KDM4C: variants seen among roughly 807,000 people sequenced by gnomAD.
The protein encoded by KDM4C is lysine-specific demethylase 4C.
In KDM4C, 81 loss-of-function variants were observed where a neutral mutation model predicts 129.3. The observed-to-expected ratio is 0.63, with a 90% CI of 0.52 to 0.75. The LOEUF is 0.75. Among genes scored for constraint, KDM4C ranks in the 30% least tolerant of loss-of-function variants. The probability of loss-of-function intolerance (pLI) is 0.00; values close to 1 mark genes in which losing one functional copy is unlikely to be tolerated. For synonymous variants in KDM4C, 573 were observed against 456.1 expected, an observed-to-expected ratio of 1.26 and a Z score of -3.26; for missense variants, 1,457 against 1,304.0, an observed-to-expected ratio of 1.12 and a Z score of -1.81.
intron 19 of KDM4C, among the ~76,000 whole-genome samples, chr9:7,135,177 A>G (rs1370811416): frequency 6.6e-6 from 1 of 152,184 alleles, no homozygotes; most frequent in East Asian, 1.9e-4. Context: ...CCTCTGGAGA[A>G]AGTATGTCGT....
intron 8 of KDM4C, among the ~76,000 whole-genome samples, chr9:6,949,366 T>C (rs1280986078): frequency 6.7e-6 from 1 of 149,018 alleles, no homozygotes; most frequent in African/African-American, 2.5e-5. Context: ...CTTCCCAGAC[T>C]GGGCAGAGGG....
At chr9:7,128,757 G>A (rs934457663) in intron 19 of KDM4C, among the ~76,000 whole-genome samples, 1 of 152,022 alleles carries the variant, frequency 6.6e-6, no homozygotes, top group African/African-American at 2.4e-5. Context: ...TTACTGTGGC[G>A]GAGACTAGAA....
Position 7,165,986 on chromosome 9 carries a change from C to G in KDM4C, c.2901+629C>G, listed in dbSNP as rs1259967020. ...TTAAAATGAATTACTTTTATTTCAC[C>G]CAGAAATGAGAATGAGTTAAGCTTT... On this transcript the variant is annotated intron_variant, in intron 20 of 21. Transcript: ENST00000381309. Among the ~76,000 whole-genome samples the G allele has an allele frequency of 1.3e-5, 2 of 152,030 alleles. 1 individual carries two copies. Among genetic ancestry groups the G allele is most frequent in the Non-Finnish European group, 2.9e-5 (2 of 68,004 alleles).
intron 8 of KDM4C, among the ~76,000 whole-genome samples, chr9:6,897,880 G>A (rs573457841): frequency 2.6e-4 from 39 of 152,198 alleles, no homozygotes; most frequent in African/African-American, 8.2e-4. Flanking sequence ...TCAACAGCTC[G>A]TTTAGCAGTT....
At chr9:7,022,890 A>G (rs1377116881) in intron 15 of KDM4C, among the ~76,000 whole-genome samples, 1 of 152,180 alleles carries the variant, frequency 6.6e-6, no homozygotes, top group Non-Finnish European at 1.5e-5. Context: ...CTTTTTCAGC[A>G]TCAATTGCAG....
At chr9:7,040,700 A>G (rs1828444172) in intron 15 of KDM4C, among the ~76,000 whole-genome samples, 1 of 151,668 alleles carries the variant, frequency 6.6e-6, no homozygotes, top group African/African-American at 2.4e-5. Context: ...GTAGTATTTA[A>G]TAGATATTAT....
intron 8 of KDM4C, among the ~76,000 whole-genome samples, chr9:6,912,184 C>T (rs770544829): frequency 6.6e-6 from 1 of 152,170 alleles, no homozygotes; most frequent in Non-Finnish European, 1.5e-5. Flanking sequence ...CCACCTGCCC[C>T]TTCCTCCTTT....
chr9:6,786,143 C>G (rs1433948311), intron 1 of KDM4C, among the ~76,000 whole-genome samples: 1 of 101,182 alleles, frequency 9.9e-6, no homozygotes, highest in East Asian at 2.3e-4. Context: ...GAATACAAGT[C>G]AGAAACACAG....
chr9:7,108,435 C>T (rs1489692262), intron 18 of KDM4C, among the ~76,000 whole-genome samples: 2 of 152,058 alleles, frequency 1.3e-5, no homozygotes, highest in East Asian at 3.9e-4. Flanking sequence ...CTGGGTTGTA[C>T]CATGTTGCCC....
At chr9:6,994,992 C>G (rs1044335407) in intron 12 of KDM4C, among the ~76,000 whole-genome samples, 5 of 151,532 alleles carry the variant, frequency 3.3e-5, no homozygotes, top group African/African-American at 4.8e-5. Flanking sequence ...GTAAGTGACT[C>G]CTTTTTAAGG....
intron 14 of KDM4C, among the ~76,000 whole-genome samples, chr9:7,014,947 CA>C (rs1823385153): frequency 6.7e-6 from 1 of 149,648 alleles, no homozygotes; most frequent in African/African-American, 2.5e-5. Context: ...CACACACACA[CA>C]CACACCTTAC....
At chr9:7,005,911 C>T (rs1361145374) in intron 12 of KDM4C, among the ~76,000 whole-genome samples, 1 of 152,224 alleles carries the variant, frequency 6.6e-6, no homozygotes, top group Non-Finnish European at 1.5e-5. Flanking sequence ...CAGAGCTCTA[C>T]ACTTAAAGCC....
At chr9:7,019,268 A>G (rs376703895) in intron 15 of KDM4C, among the ~76,000 whole-genome samples, 36 of 152,226 alleles carry the variant, frequency 2.4e-4, no homozygotes, top group African/African-American at 8.4e-4. Flanking sequence ...AAGTATCCTT[A>G]AAACTGACTT....
intron 19 of KDM4C, among the ~76,000 whole-genome samples, chr9:7,128,937 G>C (rs1212706545): frequency 6.6e-6 from 1 of 152,162 alleles, no homozygotes; most frequent in Non-Finnish European, 1.5e-5. Context: ...TTGCTTTTTA[G>C]AAGGGTGTTT....
intron 5 of KDM4C, among the ~76,000 whole-genome samples, chr9:6,871,076 C>T (rs915666422): frequency 2.0e-5 from 3 of 152,148 alleles, no homozygotes; most frequent in Admixed American, 2.0e-4. Flanking sequence ...AACACACAGC[C>T]CCAGGGCTCC....
chr9:6,898,527 C>T (rs1012771035), intron 8 of KDM4C, among the ~76,000 whole-genome samples: 3 of 152,184 alleles, frequency 2.0e-5, no homozygotes, highest in Non-Finnish European at 2.9e-5. Flanking sequence ...AAAAACTGTA[C>T]TGCAGAGCTG....
chr9:7,130,192 C>G (rs1250649783), intron 19 of KDM4C, among the ~76,000 whole-genome samples: 1 of 152,170 alleles, frequency 6.6e-6, no homozygotes, highest in African/African-American at 2.4e-5. Flanking sequence ...TGGTGAGGAA[C>G]ACTGTGGTGG....
intron 4 of KDM4C, among the ~76,000 whole-genome samples, chr9:6,836,111 G>A (rs895360690): frequency 8.5e-5 from 13 of 152,154 alleles, no homozygotes; most frequent in Non-Finnish European, 1.3e-4. Flanking sequence ...CAGGCAGCCA[G>A]GGCTTACCTG....
At chr9:7,143,223 A>G (rs1199535989) in intron 19 of KDM4C, among the ~76,000 whole-genome samples, 4 of 152,210 alleles carry the variant, frequency 2.6e-5, no homozygotes, top group Non-Finnish European at 5.9e-5. Context: ...ACGCAGATCT[A>G]TATCAGTGGG....
Sources: allele counts gnomAD v4.1 joint callset (sites outside exome capture counted in the v4.1 genomes callset), GRCh38; gene constraint gnomAD v4.1.1; transcripts MANE v1.5; gene names NCBI Gene and HGNC (gene_info 2026-07-23, HGNC 2026-07-21).